Variants in MGRN1 observed in about 807,000 individuals in gnomAD.
MGRN1 encodes mahogunin ring finger 1.
A neutral mutation model predicts 69.2 loss-of-function variants in MGRN1; 29 were observed. That is an observed-to-expected ratio of 0.42 (90% CI 0.31 to 0.57). MGRN1 has a LOEUF of 0.57. MGRN1 is among the 20% of genes least tolerant of loss of function. MGRN1 has a pLI of 0.15. For synonymous variants in MGRN1, 470 were observed against 344.2 expected, an observed-to-expected ratio of 1.37 and a Z score of -4.04; for missense variants, 998 against 796.2, an observed-to-expected ratio of 1.25 and a Z score of -3.05.
Position 4,685,983 on chromosome 16 carries a change from C to T in MGRN1, c.1618+2051C>T, listed in dbSNP as rs904231149. 3.3e-5 allele frequency among the ~76,000 whole-genome samples: 5 copies of T among 152,242 alleles called. No individual in the cohort carries two copies. In the South Asian group the frequency reaches 1.0e-3, roughly 32 times the overall value. On this transcript the variant is annotated intron_variant, in intron 16 of 16. Transcript: ENST00000262370. ...CTTCACTCCTGAAACCAGAGGTGGACTGCGCCCGTTAGGTCCTTCATGCGC... is the reference window on the plus strand; with the variant it reads ...CTTCACTCCTGAAACCAGAGGTGGATTGCGCCCGTTAGGTCCTTCATGCGC...
chr16:4,675,941 C>T (rs2079044068), intron 10 of MGRN1, among the ~76,000 whole-genome samples: 1 of 152,234 alleles, frequency 6.6e-6, no homozygotes, highest in African/African-American at 2.4e-5. Flanking sequence ...AGTGCACATC[C>T]CACTGGTAGG....
At chr16:4,686,334 C>T (rs1368878672) in intron 16 of MGRN1, 2 of 1,540,676 alleles carry the variant, frequency 1.3e-6, no homozygotes, top group Non-Finnish European at 1.7e-6. Context: ...GCTTCGGGGG[C>T]TCTGACGCGC....
chr16:4,647,683 G>C (rs752643696), intron 1 of MGRN1, among the ~76,000 whole-genome samples: 1 of 152,164 alleles, frequency 6.6e-6, no homozygotes, highest in Non-Finnish European at 1.5e-5. Flanking sequence ...TCTGTGACTC[G>C]CTCCACATCG....
At position 4,650,423 on chromosome 16, in the gene MGRN1, T is replaced by C. The variant is rs776872141; in HGVS notation, c.147T>C (p.Pro49=). The change falls in exon 2 of 17, where the codon CCT becomes CCC. Residue 49 remains proline (P), a synonymous_variant. Transcript: ENST00000262370. The stretch of plus-strand genomic sequence containing the variant: ...GAGAGAAATTCGACACCCCCCACCC[T>C]GAAGGTTACCTCTTTGGAGAGAACA... ...MGGEKFDTPH[P]EGYLFGENMD... is the part of the protein sequence containing the mutation. 21 of 1,613,944 alleles carry C rather than the reference T, an allele frequency of 1.3e-5. No homozygotes were observed. The Admixed American group carries it at 3.2e-4, about 24-fold the overall frequency.
At chr16:4,682,677 T>G (rs921940694) in intron 13 of MGRN1, 146 bp from the exon 14 acceptor site, 4 of 970,552 alleles carry the variant, frequency 4.1e-6, no homozygotes, top group Non-Finnish European at 4.2e-6. Context: ...TCCCGGTGGC[T>G]GGTGATGCCC....
At chr16:4,637,162 G>A (rs1898343802) in intron 1 of MGRN1, among the ~76,000 whole-genome samples, 1 of 150,798 alleles carries the variant, frequency 6.6e-6, no homozygotes, top group African/African-American at 2.4e-5. Flanking sequence ...AGGTTCAGTG[G>A]CTCACACCTG....
At chr16:4,641,923 G>T (rs540250307) in intron 1 of MGRN1, among the ~76,000 whole-genome samples, 1 of 152,214 alleles carries the variant, frequency 6.6e-6, no homozygotes, top group South Asian at 2.1e-4. Flanking sequence ...CTAAAGTGCT[G>T]GGATTATAGG....
intron 5 of MGRN1, among the ~76,000 whole-genome samples, chr16:4,661,708 C>T (rs781210485): frequency 2.5e-4 from 38 of 152,352 alleles, no homozygotes; most frequent in Admixed American, 7.2e-4. Context: ...ATCAGTGTCT[C>T]TGTCCACCTC....
Position 4,680,111 on chromosome 16 carries a change from C to A in MGRN1, c.1131+14C>A, listed in dbSNP as rs1332168417. On this transcript the variant is annotated intron_variant, in intron 12 of 16. Transcript: ENST00000262370. ...AAAAGGGAAACAGTAAGTGTCTGGT[C>A]CTCCGGCTACGTTTTTTTGCCCCCG... The A allele has an allele frequency of 4.3e-6, 7 of 1,613,082 alleles. No individual in the cohort carries two copies. The highest frequency in any genetic ancestry group is 1.1e-5 in the South Asian group (1 of 90,954).
rs1289861506 is a variant in MGRN1 at position 4,680,108 on chromosome 16, G to A, written c.1131+11G>A. 10 of 1,613,362 alleles carry A rather than the reference G, an allele frequency of 6.2e-6. No individual in the cohort carries two copies. Among genetic ancestry groups the A allele is most frequent in the Middle Eastern group, 3.3e-4 (2 of 6,082 alleles). ...CCTAAAAGGGAAACAGTAAGTGTCT[G>A]GTCCTCCGGCTACGTTTTTTTGCCC... On this transcript the variant is annotated intron_variant, in intron 12 of 16. Transcript: ENST00000262370.
intron 8 of MGRN1, among the ~76,000 whole-genome samples, chr16:4,670,360 A>C (rs2078912117): frequency 6.6e-6 from 1 of 152,226 alleles, no homozygotes; most frequent in Non-Finnish European, 1.5e-5. Flanking sequence ...CTTCTGCCTC[A>C]GCATCCCGAG....
At chr16:4,685,098 A>C (rs1375231859) in intron 16 of MGRN1, among the ~76,000 whole-genome samples, 2 of 152,260 alleles carry the variant, frequency 1.3e-5, no homozygotes, top group Non-Finnish European at 2.9e-5. Flanking sequence ...CCTGCCCCGA[A>C]CAACTCACAG....
rs373745743 is a variant in MGRN1 at position 4,679,128 on chromosome 16, C to T, written c.1066-904C>T. Among the ~76,000 whole-genome samples, 27 of 152,306 alleles carry T rather than the reference C, an allele frequency of 1.8e-4. No homozygotes were observed. The East Asian group carries it at 2.7e-3, about 15-fold the overall frequency. On this transcript the variant is annotated intron_variant, in intron 11 of 16. Coordinates refer to ENST00000262370, the MANE Select transcript of MGRN1 (RefSeq NM_015246.4). ...AGCACTTTTGATGTTGGCTTTGATT[C>T]GGAAACGCTGCGTGTGCTCAGGTTT...
intron 4 of MGRN1, among the ~76,000 whole-genome samples, chr16:4,653,604 T>G (rs1451227856): frequency 2.0e-5 from 3 of 152,154 alleles, no homozygotes. Flanking sequence ...TTCTCCTGCC[T>G]CAGCCTCCTG....
chr16:4,683,189 C>A, intron 14 of MGRN1, 35 bp from the exon 15 acceptor site: 1 of 1,612,028 alleles, frequency 6.2e-7, no homozygotes, highest in South Asian at 1.1e-5. Flanking sequence ...CCGCGGCTCT[C>A]TGAGCTCTAG....
In MGRN1 at chr16:4,686,293, C is replaced by G. The variant is rs576156541; in HGVS notation, c.1618+2361C>G. 5.8e-6 allele frequency: 9 copies of G among 1,544,902 alleles called. No individual in the cohort carries two copies. The African/African-American group carries it at 1.2e-4, about 21-fold the overall frequency. The stretch of plus-strand genomic sequence containing the variant: ...CCGACTCCTGCTCTGTTGGTATAGA[C>G]GAGTAAGCCGGTACGTGACCTCCCA... On this transcript the variant is annotated intron_variant, in intron 16 of 16. Transcript: ENST00000262370.
Position 4,665,318 on chromosome 16 carries a change from C to G in MGRN1, c.678+167C>G, listed in dbSNP as rs137916503. Among the ~76,000 whole-genome samples, 473 of 151,080 alleles carry G rather than the reference C, an allele frequency of 3.1e-3. 3 individuals carry two copies. Among genetic ancestry groups the G allele is most frequent in the African/African-American group, 0.011 (447 of 41,208 alleles). On this transcript the variant is annotated intron_variant, in intron 7 of 16. Transcript: ENST00000262370. ...CTGTGGCTTCCTGCTTTCTAGCATT[C>G]TGGTCCTGAGGCCGAGTGCCGCTGT...
chr16:4,625,024 G>A lies in MGRN1; in HGVS notation c.64G>A (p.Ala22Thr). ...VEDIDIQANSAYRYPPKSGNY... is the reference protein window; with the variant it reads ...VEDIDIQANSTYRYPPKSGNY... ...GGACATCGACATCCAGGCGAACTCGGCCTATCGCTACCCTCCGAAGTCCGG... is the reference window on the plus strand; with the variant it reads ...GGACATCGACATCCAGGCGAACTCGACCTATCGCTACCCTCCGAAGTCCGG... Residue 22 changes from alanine to threonine, a missense_variant, in exon 1 of 17, where the codon GCC becomes ACC. By Grantham distance (58) the Ala-to-Thr change is moderately conservative. Transcript: ENST00000262370. 2 of 1,555,616 alleles carry A rather than the reference G, an allele frequency of 1.3e-6. No homozygotes were observed. Among genetic ancestry groups the A allele is most frequent in the Non-Finnish European group, 1.7e-6 (2 of 1,153,710 alleles).
intron 6 of MGRN1, 57 bp downstream of exon 6, chr16:4,664,832 G>T: frequency 6.3e-7 from 1 of 1,591,280 alleles, no homozygotes. Flanking sequence ...GAGGAAGCAC[G>T]TCTTGAGGGA....
Sources: gnomAD v4.1 joint callset for allele counts (sites outside exome capture counted in the v4.1 genomes callset) on GRCh38, gnomAD v4.1.1 for gene constraint, MANE v1.5 for transcripts, NCBI Gene and HGNC (gene_info 2026-07-23, HGNC 2026-07-21) for gene names.